The following DAB1 variants were observed in gnomAD, a reference collection of about 807,000 sequenced individuals.
DAB1 encodes the protein disabled homolog 1.
In DAB1, 15 loss-of-function variants were observed where a neutral mutation model predicts 64.6. The observed-to-expected ratio is 0.23, with a 90% CI of 0.16 to 0.36. The LOEUF is 0.36. DAB1 is among the 10% of genes least tolerant of loss of function. The pLI, the probability that DAB1 is intolerant of heterozygous loss-of-function variation, is 1.00. For missense variants in DAB1, 596 were observed against 706.7 expected (o/e 0.84, Z 1.78); for synonymous variants, 235 against 251.9 (o/e 0.93, Z 0.64).
At chr1:57,079,364 C>G (rs1397329788) in intron 4 of DAB1, among the ~76,000 whole-genome samples, 3 of 152,110 alleles carry the variant, frequency 2.0e-5, no homozygotes, top group Admixed American at 2.0e-4. Flanking sequence ...TTCCAAGTAC[C>G]TTTTGCTTGT....
At chr1:58,305,575 C>G (rs1446229196) in intron 4 of DAB1, among the ~76,000 whole-genome samples, 1 of 151,922 alleles carries the variant, frequency 6.6e-6, no homozygotes, top group Non-Finnish European at 1.5e-5. Context: ...GTGTGTAAAG[C>G]ATTTCATATT....
intron 9 of DAB1, among the ~76,000 whole-genome samples, chr1:57,047,972 T>C (rs1253166136): frequency 6.6e-6 from 1 of 152,234 alleles, no homozygotes; most frequent in African/African-American, 2.4e-5. Flanking sequence ...TTCATAATAA[T>C]AACTCTGGCT....
At chr1:58,539,447 C>T (rs1646569210) in intron 1 of DAB1, 1 of 600,082 alleles carries the variant, frequency 1.7e-6, no homozygotes, top group East Asian at 2.8e-5. Context: ...TTCAACTCAT[C>T]ACCCCTAGAG....
intron 3 of DAB1, among the ~76,000 whole-genome samples, chr1:58,372,144 A>G (rs916253545): frequency 1.3e-5 from 2 of 152,178 alleles, no homozygotes; most frequent in African/African-American, 4.8e-5. Flanking sequence ...CAGGCACCCA[A>G]CGCCAGGCAA....
chr1:58,521,924 C>G (rs1299599792), intron 2 of DAB1, among the ~76,000 whole-genome samples: 4 of 152,174 alleles, frequency 2.6e-5, no homozygotes, highest in Non-Finnish European at 5.9e-5. Flanking sequence ...GCCAGCATAA[C>G]TTTGATTCCA....
chr1:58,524,508 CACATA>C (rs971369903), intron 2 of DAB1, among the ~76,000 whole-genome samples: 1 of 152,156 alleles, frequency 6.6e-6, no homozygotes, highest in Non-Finnish European at 1.5e-5. Context: ...ATCCTGCACC[CACATA>C]AAAGGTGCAT....
chr1:58,228,546 T>C (rs1311297622), intron 4 of DAB1: 1 of 407,494 alleles, frequency 2.5e-6, no homozygotes, highest in Non-Finnish European at 4.7e-6. Flanking sequence ...CATTATCGTG[T>C]GTGGATATGG....
chr1:57,014,914 A>G lies in DAB1; in HGVS notation c.1413T>C (p.Pro471=). The G allele has an allele frequency of 6.3e-7, 1 of 1,595,200 alleles. No individual in the cohort carries two copies. ...TGGTCGATGGTGTGGTAGAAGTCAC[A>G]GGGGTCAAATTCAACTGGGAGATGT... ...DFDISQLNLT[P]VTSTTPSTNS... Residue 471 remains proline (P), a synonymous_variant, in exon 12 of 15, where the codon CCT becomes CCC. Coordinates refer to ENST00000371236, the MANE Select transcript of DAB1 (RefSeq NM_001365792.1).
chr1:57,570,311 C>T (rs1325390855), intron 7 of DAB1, among the ~76,000 whole-genome samples: 1 of 152,082 alleles, frequency 6.6e-6, no homozygotes, highest in Admixed American at 6.6e-5. Flanking sequence ...TTTTGGAACT[C>T]GAACTGATTC....
upstream of DAB1, chr1:57,884,300 A>G (rs1167586302): frequency 6.6e-6 from 1 of 152,268 alleles, no homozygotes; most frequent in Admixed American, 6.5e-5. Flanking sequence ...TGGTACATGT[A>G]GGGTAGGTGG....
chr1:57,088,405 C>G (rs1014150602), intron 4 of DAB1, among the ~76,000 whole-genome samples: 1 of 152,212 alleles, frequency 6.6e-6, no homozygotes. Flanking sequence ...ATCAAAGCCA[C>G]GTCCCTAGGA....
chr1:57,836,647 G>A (rs60919569), intron 1 of DAB1, among the ~76,000 whole-genome samples: 1,913 of 152,246 alleles, frequency 0.013, 43 homozygotes, highest in African/African-American at 0.043. Context: ...TTCGGCATCC[G>A]CCATCTCTTG....
chr1:58,456,682 T>C (rs912395146), intron 3 of DAB1, among the ~76,000 whole-genome samples: 2 of 152,088 alleles, frequency 1.3e-5, no homozygotes, highest in African/African-American at 4.8e-5. Context: ...CTCGAAAATA[T>C]CCATTGAGTC....
chr1:57,455,625 G>A (rs1031577856), intron 7 of DAB1, among the ~76,000 whole-genome samples: 14 of 152,156 alleles, frequency 9.2e-5, no homozygotes, highest in South Asian at 2.1e-4. Flanking sequence ...AAATGAAGAC[G>A]TAAATTACTG....
intron 5 of DAB1, 70 bp downstream of exon 5, chr1:57,072,213 C>A (rs976731932): frequency 6.4e-7 from 1 of 1,569,348 alleles, no homozygotes; most frequent in East Asian, 2.3e-5. Context: ...CCCTCAAAGA[C>A]CAACGGAGTC....
At chr1:58,350,424 TAC>T (rs1644043655) in intron 3 of DAB1, among the ~76,000 whole-genome samples, 1 of 152,120 alleles carries the variant, frequency 6.6e-6, no homozygotes, top group Non-Finnish European at 1.5e-5. Context: ...TCACTCTGAT[TAC>T]AGTTTCTTTT....
At chr1:57,805,240 T>C (rs1201711192) in intron 6 of DAB1, among the ~76,000 whole-genome samples, 3 of 152,202 alleles carry the variant, frequency 2.0e-5, no homozygotes, top group African/African-American at 7.2e-5. Flanking sequence ...GCAAGAGGCA[T>C]GGACTTTCCT....
chr1:58,118,599 T>C (rs1390723738), intron 5 of DAB1, among the ~76,000 whole-genome samples: 3 of 86,458 alleles, frequency 3.5e-5, no homozygotes, highest in African/African-American at 1.3e-4. Flanking sequence ...TAAAATACTA[T>C]ATATATATAC....
intron 4 of DAB1, among the ~76,000 whole-genome samples, chr1:57,102,196 T>TTCTCTG (rs1308231961): frequency 1.2e-3 from 187 of 152,278 alleles, no homozygotes; most frequent in African/African-American, 4.4e-3. Context: ...TCTTCTCTCT[T>TTCTCTG]TCTCTGTCTC....
Sources: gnomAD v4.1 joint callset for allele counts (sites outside exome capture counted in the v4.1 genomes callset) on GRCh38, gnomAD v4.1.1 for gene constraint, MANE v1.5 for transcripts, NCBI Gene and HGNC (gene_info 2026-07-23, HGNC 2026-07-21) for gene names.